The following PTPN1 variants were observed in gnomAD, a reference collection of about 807,000 sequenced individuals.
PTPN1 encodes the protein protein tyrosine phosphatase non-receptor type 1, also known as tyrosine-protein phosphatase non-receptor type 1.
In PTPN1, 12 loss-of-function variants were observed where a neutral mutation model predicts 59.9. The observed-to-expected ratio is 0.20, with a 90% CI of 0.13 to 0.32. PTPN1 has a LOEUF of 0.32. PTPN1 is among the 10% of genes least tolerant of loss of function. PTPN1 has a pLI of 1.00. For synonymous variants in PTPN1, 178 were observed against 203.6 expected (o/e 0.87, Z 1.07); for missense variants, 356 against 549.2 (o/e 0.65, Z 3.52).
intron 1 of PTPN1, among the ~76,000 whole-genome samples, chr20:50,512,620 A>T (rs547195050): frequency 1.3e-5 from 2 of 152,336 alleles, no homozygotes; most frequent in Admixed American, 1.3e-4. Context: ...TTTTGGTCTT[A>T]GAGAATTGTC....
In PTPN1 at chr20:50,582,771, A is replaced by AC; in HGVS notation, c.*57dup. The AC allele has an allele frequency of 3.1e-6, 5 of 1,605,846 alleles. No individual in the cohort carries two copies. The highest frequency in any genetic ancestry group is 4.3e-6 in the Non-Finnish European group (5 of 1,174,772). On this transcript the variant is annotated 3_prime_UTR_variant, in exon 10 of 10. Coordinates refer to ENST00000371621, the MANE Select transcript of PTPN1 (RefSeq NM_002827.4). This position sits in a 1 kb window ranked among gnomAD's most constrained non-coding sequence, Gnocchi z 4.2. ...CTGTCCGCCTCTGCCCGCAGAGCCC[A>AC]CGCCCGACTAGCAGGCATGCCGCGG...
At chr20:50,548,429 C>CTT (rs11477964) in intron 1 of PTPN1, among the ~76,000 whole-genome samples, 5 of 144,484 alleles carry the variant, frequency 3.5e-5, no homozygotes, top group Non-Finnish European at 4.6e-5. Context: ...TTATTTGATT[C>CTT]TTTTTTTTTT....
chr20:50,579,188 T>C lies in PTPN1; in HGVS notation c.723T>C (p.Pro241=). ...TTCAGATGGACAAGAGGAAAGACCCTTCTTCCGTTGATATCAAGAAAGTGC... is the reference window on the plus strand; with the variant it reads ...TTCAGATGGACAAGAGGAAAGACCCCTCTTCCGTTGATATCAAGAAAGTGC... ...CLLLMDKRKD[P]SSVDIKKVLL... Residue 241 remains proline (P), a synonymous_variant, in exon 7 of 10, where the codon CCT becomes CCC. Coordinates refer to ENST00000371621, the MANE Select transcript of PTPN1 (RefSeq NM_002827.4). 1 of 1,614,202 alleles carries C rather than the reference T, an allele frequency of 6.2e-7. No homozygotes were observed. Among genetic ancestry groups the C allele is most frequent in the South Asian group, 1.1e-5 (1 of 91,078 alleles).
chr20:50,582,747 T>C lies in PTPN1; in HGVS notation c.*32T>C. 1 of 1,612,872 alleles carries C rather than the reference T, an allele frequency of 6.2e-7. No homozygotes were observed. The highest frequency in any genetic ancestry group is 8.5e-7 in the Non-Finnish European group (1 of 1,179,462). On this transcript the variant is annotated 3_prime_UTR_variant, in exon 10 of 10. Transcript: ENST00000371621. This position sits in a 1 kb window ranked among gnomAD's most constrained non-coding sequence, Gnocchi z 4.2. ...CCTCCTCCACTCCACCTCCACCCAC[T>C]GTCCGCCTCTGCCCGCAGAGCCCAC...
In PTPN1 at chr20:50,583,026, C is replaced by T. The variant is rs1037485553; in HGVS notation, c.*311C>T. The T allele has an allele frequency of 9.3e-6, 4 of 428,362 alleles. No individual in the cohort carries two copies. The highest frequency in any genetic ancestry group is 7.8e-5 in the African/African-American group (4 of 51,136). 26.5% of individuals were successfully genotyped at this position (428,362 alleles called of 1,614,324 possible). On this transcript the variant is annotated 3_prime_UTR_variant, in exon 10 of 10. Coordinates refer to ENST00000371621, the MANE Select transcript of PTPN1 (RefSeq NM_002827.4). ...CACCCGTCTTGGGGCTCGCCCCACC[C>T]AGGGCTCCCTCCTGGAGCATCCCAG...
intron 1 of PTPN1, among the ~76,000 whole-genome samples, chr20:50,521,415 G>T (rs1404610823): frequency 6.6e-6 from 1 of 152,216 alleles, no homozygotes; most frequent in Admixed American, 6.5e-5. Flanking sequence ...CTGTCAATTG[G>T]TCTATAACAG....
intron 1 of PTPN1, among the ~76,000 whole-genome samples, chr20:50,523,062 G>A (rs1296925365): frequency 1.3e-5 from 2 of 151,984 alleles, no homozygotes; most frequent in African/African-American, 4.8e-5. Context: ...CACTGCCTCC[G>A]GCCAGGTATT....
chr20:50,531,805 G>A (rs938879029), intron 1 of PTPN1, among the ~76,000 whole-genome samples: 1 of 152,022 alleles, frequency 6.6e-6, no homozygotes, highest in African/African-American at 2.4e-5. Context: ...CCCCATCCAC[G>A]GCCATACTCT....
At chr20:50,549,681 TC>T (rs2082693912) in intron 1 of PTPN1, among the ~76,000 whole-genome samples, 1 of 152,210 alleles carries the variant, frequency 6.6e-6, no homozygotes, top group Non-Finnish European at 1.5e-5. Flanking sequence ...CAGTACATAG[TC>T]ATTTTAAAAT....
At chr20:50,560,377 A>G (rs1411360513) in intron 1 of PTPN1, among the ~76,000 whole-genome samples, 1 of 152,200 alleles carries the variant, frequency 6.6e-6, no homozygotes, top group Non-Finnish European at 1.5e-5. Flanking sequence ...AGGTCTTCCC[A>G]GATGGCTCTA....
Position 50,568,498 on chromosome 20 carries a change from G to T in PTPN1, c.354+20G>T. On this transcript the variant is annotated intron_variant, in intron 4 of 9. Coordinates refer to ENST00000371621, the MANE Select transcript of PTPN1 (RefSeq NM_002827.4). The surrounding 1 kb of genome is among the most constrained non-coding windows in gnomAD (Gnocchi z 5.6). ...GGTTCGGTAAGTCTCGGCTTCATTT[G>T]CTGTGTATGTGATCATGCATACCAC... 6.3e-7 allele frequency: 1 copy of T among 1,588,470 alleles called. No individual in the cohort carries two copies.
rs138213471 is a variant in PTPN1, at chr20:50,562,039, G to A, written c.154+586G>A. Among the ~76,000 whole-genome samples the A allele has an allele frequency of 6.5e-3, 985 of 152,272 alleles. 9 individuals are homozygous for A. The highest frequency in any genetic ancestry group is 0.018 in the African/African-American group (750 of 41,538). ...CTGAGTGATTGGCTGTCAGTCTGCC[G>A]GTAGCTGAAAAGTAAATAACTTAAC... On this transcript the variant is annotated intron_variant, in intron 2 of 9. Transcript: ENST00000371621.
At position 50,561,486 on chromosome 20, in the gene PTPN1, T is replaced by A. The variant is rs762577379; in HGVS notation, c.154+33T>A. On this transcript the variant is annotated intron_variant, in intron 2 of 9. Coordinates refer to ENST00000371621, the MANE Select transcript of PTPN1 (RefSeq NM_002827.4). ...TCCACGTGGCCGGTACCAGTCTTGC[T>A]CTTCCTTTGCTGCAGGCCTTTTTAG... is the stretch of plus-strand genomic sequence containing the variant. 5.5e-6 allele frequency: 8 copies of A among 1,445,774 alleles called. No individual in the cohort carries two copies. The East Asian group carries it at 1.6e-4, about 29-fold the overall frequency. 89.6% of individuals were successfully genotyped at this position (1,445,774 alleles called of 1,614,324 possible).
intron 1 of PTPN1, among the ~76,000 whole-genome samples, chr20:50,534,364 G>A (rs1295332018): frequency 1.3e-5 from 2 of 152,054 alleles, no homozygotes; most frequent in Admixed American, 6.6e-5. Context: ...AAGCACTTAC[G>A]CCATTTTTTT....
Position 50,510,431 on chromosome 20 carries a change from A to G in PTPN1, c.-97A>G, listed in dbSNP as rs2082500650. The G allele has an allele frequency of 5.9e-6, 8 of 1,357,702 alleles. No individual in the cohort carries two copies. Among genetic ancestry groups the G allele is most frequent in the South Asian group, 2.6e-5 (2 of 77,140 alleles). 84.1% of individuals were successfully genotyped at this position (1,357,702 alleles called of 1,614,324 possible). ...GCGGCGGTAGCTGCAGGGGTCGGGG[A>G]TTGCAGCGGGCCTCGGGGCTAAGAG... On this transcript the variant is annotated 5_prime_UTR_variant, in exon 1 of 10. Transcript: ENST00000371621.
chr20:50,577,770 A>G (rs979927434), intron 5 of PTPN1: 2 of 152,386 alleles, frequency 1.3e-5, no homozygotes, highest in African/African-American at 4.8e-5. Context: ...CCTCATCGGA[A>G]AATGGATGGG....
At chr20:50,562,514 C>T (rs2082757831) in intron 2 of PTPN1, among the ~76,000 whole-genome samples, 2 of 152,210 alleles carry the variant, frequency 1.3e-5, no homozygotes, top group Admixed American at 1.3e-4. Context: ...GTTGTTCTCT[C>T]TCATAGGAGT....
rs17847910 is a variant in PTPN1, at chr20:50,565,173, G to T, written c.255+104G>T. The T allele has an allele frequency of 1.3e-3, 1,567 of 1,187,622 alleles. 10 individuals are homozygous for T. The East Asian group carries it at 0.014, about 10-fold the overall frequency. The allele number at this position is 1,187,622 out of a possible 1,614,324, so 73.6% of individuals were successfully genotyped here. On this transcript the variant is annotated intron_variant, in intron 3 of 9. Coordinates refer to ENST00000371621, the MANE Select transcript of PTPN1 (RefSeq NM_002827.4). Reference sequence around the variant, plus strand: ...TCTGCCACATCCTTTAGAAGGTCAGGATTTCAGCATACCAAAAAGCAGCAA... The same window carrying T: ...TCTGCCACATCCTTTAGAAGGTCAGTATTTCAGCATACCAAAAAGCAGCAA...
rs1021746716 is a variant in PTPN1, at chr20:50,545,204, C to T, written c.64-16159C>T. Among the ~76,000 whole-genome samples the T allele has an allele frequency of 5.3e-5, 8 of 152,138 alleles. No individual in the cohort carries two copies. In the South Asian group the frequency reaches 6.2e-4, roughly 12 times the overall value. ...CTCCTGAGCTCAAGTGATCCTTCTACGTCAGCCCCCCAAAGTGTTGGGATT... is the reference window on the plus strand; with the variant it reads ...CTCCTGAGCTCAAGTGATCCTTCTATGTCAGCCCCCCAAAGTGTTGGGATT... On this transcript the variant is annotated intron_variant, in intron 1 of 9. Transcript: ENST00000371621.
Sources: allele counts gnomAD v4.1 joint callset (sites outside exome capture counted in the v4.1 genomes callset), GRCh38; gene constraint gnomAD v4.1.1; non-coding constraint Gnocchi (gnomAD v3.1); transcripts MANE v1.5; gene names NCBI Gene and HGNC (gene_info 2026-07-23, HGNC 2026-07-21).